TFCP2: variants seen among roughly 807,000 people sequenced by gnomAD.
TFCP2 encodes transcription factor CP2, also known as alpha-globin transcription factor CP2.
In TFCP2, 33 loss-of-function variants were observed where a neutral mutation model predicts 73.4. The observed-to-expected ratio is 0.45, with a 90% CI of 0.34 to 0.60. TFCP2 has a LOEUF of 0.60. Ranked by LOEUF, TFCP2 falls within the 20% of genes least tolerant of loss-of-function variation. The pLI is 0.01. For missense variants in TFCP2, 352 were observed against 604.0 expected (o/e 0.58, Z 4.37); for synonymous variants, 193 against 211.6 (o/e 0.91, Z 0.76).
intron 1 of TFCP2, among the ~76,000 whole-genome samples, chr12:51,153,910 G>GT (rs1188865790): frequency 6.6e-6 from 1 of 152,154 alleles, no homozygotes; most frequent in Non-Finnish European, 1.5e-5. Flanking sequence ...TGAAACAGTT[G>GT]TATCATAATT....
intron 1 of TFCP2, among the ~76,000 whole-genome samples, chr12:51,136,981 G>A (rs938727632): frequency 6.6e-6 from 1 of 151,944 alleles, no homozygotes; most frequent in African/African-American, 2.4e-5. Context: ...TACCATATCT[G>A]GATTTTATGC....
chr12:51,106,657 C>T, intron 7 of TFCP2, 44 bp from the exon 8 acceptor site: 2 of 1,509,696 alleles, frequency 1.3e-6, no homozygotes, highest in Non-Finnish European at 1.8e-6. Context: ...GCACATATGA[C>T]CCCAGGATTT....
chr12:51,146,300 C>G (rs997934867), intron 1 of TFCP2, among the ~76,000 whole-genome samples: 1 of 151,498 alleles, frequency 6.6e-6, no homozygotes, highest in Non-Finnish European at 1.5e-5. Context: ...ACGGCGAGAT[C>G]CTATCTCAAA....
At chr12:51,151,369 A>G (rs974489013) in intron 1 of TFCP2, among the ~76,000 whole-genome samples, 4 of 152,204 alleles carry the variant, frequency 2.6e-5, no homozygotes, top group Non-Finnish European at 5.9e-5. Context: ...TAAAACAGGT[A>G]CACCTTGGTG....
intron 1 of TFCP2, among the ~76,000 whole-genome samples, chr12:51,167,734 A>T (rs1941783780): frequency 6.6e-6 from 1 of 152,060 alleles, no homozygotes; most frequent in Non-Finnish European, 1.5e-5. Context: ...TTATTGCTGG[A>T]GGGTGGCACA....
At chr12:51,102,112 T>C in intron 10 of TFCP2, 87 bp from the exon 11 acceptor site, 2 of 897,676 alleles carry the variant, frequency 2.2e-6, no homozygotes, top group Non-Finnish European at 3.6e-6. Context: ...TAAGGACACC[T>C]CATTACCAGA....
In TFCP2 at chr12:51,170,968, G is replaced by A. The variant is rs530410893; in HGVS notation, c.122+1333C>T. On this transcript the variant is annotated intron_variant, in intron 1 of 14. Transcript: ENST00000257915. ...GCTGGGATTACAGGCATGAGCCACC[G>A]TGCCCGGCCTGAAGTATTAAATTCT... Among the ~76,000 whole-genome samples, 27 of 152,222 alleles carry A rather than the reference G, an allele frequency of 1.8e-4. No homozygotes were observed. The South Asian group carries it at 5.6e-3, about 32-fold the overall frequency.
chr12:51,168,456 G>C (rs1296035330), intron 1 of TFCP2, among the ~76,000 whole-genome samples: 1 of 152,042 alleles, frequency 6.6e-6, no homozygotes, highest in Non-Finnish European at 1.5e-5. Flanking sequence ...ACTGGAGATG[G>C]GACCCTGTAA....
rs1275852986 is a variant in TFCP2 at position 51,116,320 on chromosome 12, T to C, written c.452A>G (p.Asp151Gly). ...AATAGATTCTCTTAACTCACCTATG[T>C]CAAGAATTCTGTCTCCAGGTCGGTT... is the stretch of plus-strand genomic sequence containing the variant. The part of the protein sequence containing the change: ...RWNRPGDRIL[D>G]IDIPMSVGII... Residue 151 changes from aspartate to glycine, a missense_variant, in exon 4 of 15, where the codon GAC becomes GGC. Asp to Gly is a moderately conservative substitution (Grantham distance 94, BLOSUM62 -1). Coordinates refer to ENST00000257915, the MANE Select transcript of TFCP2 (RefSeq NM_005653.5). 1 of 1,595,416 alleles carries C rather than the reference T, an allele frequency of 6.3e-7. No individual in the cohort carries two copies. Among genetic ancestry groups the C allele is most frequent in the Admixed American group, 1.7e-5 (1 of 58,650 alleles).
intron 1 of TFCP2, among the ~76,000 whole-genome samples, chr12:51,148,229 T>C (rs1425802751): frequency 6.6e-6 from 1 of 152,172 alleles, no homozygotes; most frequent in Non-Finnish European, 1.5e-5. Flanking sequence ...AGTGTGGAGA[T>C]TCCTTAAAAA....
chr12:51,129,957 T>G (rs1021836155), intron 1 of TFCP2, among the ~76,000 whole-genome samples: 20 of 145,298 alleles, frequency 1.4e-4, no homozygotes, highest in African/African-American at 5.1e-4. Flanking sequence ...GAGACCAGCC[T>G]GGGTAAAAAA....
chr12:51,172,727 C>A lies in TFCP2; in HGVS notation c.-305G>T. 1 of 289,082 alleles carries A rather than the reference C, an allele frequency of 3.5e-6. No homozygotes were observed. The allele number at this position is 289,082 out of a possible 1,614,324, so 17.9% of individuals were successfully genotyped here. On this transcript the variant is annotated 5_prime_UTR_variant, in exon 1 of 15. Coordinates refer to ENST00000257915, the MANE Select transcript of TFCP2 (RefSeq NM_005653.5). Reference sequence around the variant, plus strand: ...AGGCAGCTCTGGACTCCCGCACTCCCACTCCTCTTGAGAGTTCGTAGTGGT... The same window carrying A: ...AGGCAGCTCTGGACTCCCGCACTCCAACTCCTCTTGAGAGTTCGTAGTGGT...
intron 1 of TFCP2, among the ~76,000 whole-genome samples, chr12:51,168,884 T>C (rs28392616): frequency 0.16 from 23,570 of 151,858 alleles, 2,079 homozygotes; most frequent in Admixed American, 0.23. Context: ...TCATTGCAAC[T>C]TCCGCCTCCC....
At position 51,172,291 on chromosome 12, in the gene TFCP2, T is replaced by C. The variant is rs749038612; in HGVS notation, c.122+10A>G. ...TCAGAAGGTGTAGGGTCTGGGAAAATCTCACTCACCTCATGCTATAGGCAC... is the reference window on the plus strand; with the variant it reads ...TCAGAAGGTGTAGGGTCTGGGAAAACCTCACTCACCTCATGCTATAGGCAC... On this transcript the variant is annotated intron_variant, in intron 1 of 14. Coordinates refer to ENST00000257915, the MANE Select transcript of TFCP2 (RefSeq NM_005653.5). 3 of 1,613,546 alleles carry C rather than the reference T, an allele frequency of 1.9e-6. No individual in the cohort carries two copies. Among genetic ancestry groups the C allele is most frequent in the Admixed American group, 1.7e-5 (1 of 59,924 alleles).
Position 51,095,594 on chromosome 12 carries a change from C to T in TFCP2, c.1472-316G>A, listed in dbSNP as rs570329402. 3.4e-4 allele frequency among the ~76,000 whole-genome samples: 52 copies of T among 152,048 alleles called. 1 individual carries two copies. The highest frequency in any genetic ancestry group is 3.4e-3 in the Middle Eastern group (1 of 290). On this transcript the variant is annotated intron_variant, in intron 14 of 14. Coordinates refer to ENST00000257915, the MANE Select transcript of TFCP2 (RefSeq NM_005653.5). Reference sequence around the variant, plus strand: ...CTTTGGGAGGCCAAGGTGGGTGGATCGCTTGAGGTCAGGAGTTCGAGACCA... The same window carrying T: ...CTTTGGGAGGCCAAGGTGGGTGGATTGCTTGAGGTCAGGAGTTCGAGACCA...
At chr12:51,106,740 A>C (rs537852373) in intron 7 of TFCP2, 127 bp from the exon 8 acceptor site, 7 of 717,628 alleles carry the variant, frequency 9.8e-6, no homozygotes, top group Admixed American at 2.6e-5. Flanking sequence ...CCCATAAGCA[A>C]TAGAGAACAC....
intron 1 of TFCP2, among the ~76,000 whole-genome samples, chr12:51,132,447 GA>G (rs1458930888): frequency 2.2e-5 from 3 of 135,324 alleles, no homozygotes; most frequent in Non-Finnish European, 4.6e-5. Flanking sequence ...CGGCTCACTG[GA>G]ACCTCCATCT....
intron 1 of TFCP2, among the ~76,000 whole-genome samples, chr12:51,147,747 G>A (rs1295639406): frequency 6.6e-6 from 1 of 152,170 alleles, no homozygotes; most frequent in Non-Finnish European, 1.5e-5. Context: ...AAGACCTCAT[G>A]ACCAAGAACC....
Position 51,106,607 on chromosome 12 carries a change from G to A in TFCP2, c.835C>T (p.Pro279Ser), listed in dbSNP as rs1940251793. 8 of 1,613,040 alleles carry A rather than the reference G, an allele frequency of 5.0e-6. No individual in the cohort carries two copies. The Middle Eastern group carries it at 5.0e-4, about 100-fold the overall frequency. ...YETTILTECS[P>S]WPEITYVNNS... Reference sequence around the variant, plus strand: ...TTGACATACGTGATCTCGGGCCATGGAGAACACTAAAAACAAAGGATAAGT... The same window carrying A: ...TTGACATACGTGATCTCGGGCCATGAAGAACACTAAAAACAAAGGATAAGT... The change falls in exon 8 of 15, where the codon CCA (proline) becomes TCA (serine). Residue 279 changes from proline to serine, a missense_variant. Around this residue, in one of 6 missense-constraint regions of TFCP2, gnomAD observed 47 missense variants for 89.1 expected, o/e 0.53. Transcript: ENST00000257915.
Sources: allele counts gnomAD v4.1 joint callset (sites outside exome capture counted in the v4.1 genomes callset), GRCh38; gene constraint gnomAD v4.1.1; regional missense constraint gnomAD v4.1.1; transcripts MANE v1.5; gene names NCBI Gene and HGNC (gene_info 2026-07-23, HGNC 2026-07-21).